The following SIPA1L3 variants were observed in gnomAD, a reference collection of about 807,000 sequenced individuals.
SIPA1L3 encodes signal-induced proliferation-associated 1-like protein 3.
Under a neutral mutation model 150.1 loss-of-function variants are expected in SIPA1L3, and 59 were observed. The observed-to-expected ratio is 0.39, with a 90% CI of 0.32 to 0.49. The LOEUF (loss-of-function observed/expected upper bound fraction) is 0.49, where lower values mean the gene tolerates loss of function less well. Ranked by LOEUF, SIPA1L3 falls within the 20% of genes least tolerant of loss-of-function variation. SIPA1L3 has a pLI of 0.86. For missense variants in SIPA1L3, 2,211 were observed against 2,489.5 expected, an observed-to-expected ratio of 0.89 and a Z score of 2.38; for synonymous variants, 1,070 against 1,077.6, an observed-to-expected ratio of 0.99 and a Z score of 0.14.
chr19:37,945,516 T>C (rs1470763116), intron 1 of SIPA1L3, among the ~76,000 whole-genome samples: 2 of 152,074 alleles, frequency 1.3e-5, no homozygotes, highest in South Asian at 4.1e-4. Context: ...GAATTACAGG[T>C]GTGAGCCACC....
chr19:38,174,787 T>C (rs1972403647), intron 15 of SIPA1L3, among the ~76,000 whole-genome samples: 2 of 150,968 alleles, frequency 1.3e-5, no homozygotes, highest in South Asian at 4.2e-4. Flanking sequence ...TGAGCTGAGA[T>C]GGCACCACTG....
intron 12 of SIPA1L3, among the ~76,000 whole-genome samples, chr19:38,150,064 A>G (rs1971783934): frequency 6.6e-6 from 1 of 152,202 alleles, no homozygotes; most frequent in African/African-American, 2.4e-5. Flanking sequence ...GAAGTCAGCT[A>G]GTAAGATGAA....
chr19:38,017,800 G>A (rs947468550), intron 1 of SIPA1L3, among the ~76,000 whole-genome samples: 2 of 152,110 alleles, frequency 1.3e-5, no homozygotes, highest in African/African-American at 4.8e-5. Context: ...AAAATGCTGG[G>A]ATTACAGGCA....
chr19:37,917,051 A>G (rs1365013300), intron 1 of SIPA1L3, among the ~76,000 whole-genome samples: 7 of 152,250 alleles, frequency 4.6e-5, no homozygotes, highest in African/African-American at 1.4e-4. Flanking sequence ...GGAAGCAGGA[A>G]AGTAATTTTA....
At chr19:38,055,955 G>T (rs182544903) in intron 2 of SIPA1L3, among the ~76,000 whole-genome samples, 1 of 152,196 alleles carries the variant, frequency 6.6e-6, no homozygotes, top group African/African-American at 2.4e-5. Context: ...CGAACTAGCC[G>T]ATTGACTGCC....
At chr19:38,181,046 G>T (rs150947913) in intron 15 of SIPA1L3, among the ~76,000 whole-genome samples, 1 of 152,018 alleles carries the variant, frequency 6.6e-6, no homozygotes, top group Non-Finnish European at 1.5e-5. Flanking sequence ...CCTTGATACC[G>T]TCCCAAAGGT....
intron 6 of SIPA1L3, among the ~76,000 whole-genome samples, chr19:38,104,469 C>G (rs543476671): frequency 2.0e-5 from 3 of 152,338 alleles, no homozygotes; most frequent in African/African-American, 7.2e-5. Flanking sequence ...TCCCAGAGCT[C>G]CGCCAGCGTG....
chr19:38,133,248 C>T (rs1971354884), intron 10 of SIPA1L3, among the ~76,000 whole-genome samples: 1 of 152,226 alleles, frequency 6.6e-6, no homozygotes, highest in African/African-American at 2.4e-5. Flanking sequence ...ACCACATGTC[C>T]CCTCCAGTCC....
At chr19:38,196,693 G>C (rs1972958076) in intron 18 of SIPA1L3, among the ~76,000 whole-genome samples, 1 of 151,550 alleles carries the variant, frequency 6.6e-6, no homozygotes. Flanking sequence ...GAGGTCAAGA[G>C]TGGAGCAAGG....
chr19:38,182,439 A>C, intron 15 of SIPA1L3, 80 bp from the exon 16 acceptor site: 1 of 1,074,890 alleles, frequency 9.3e-7, no homozygotes, highest in Non-Finnish European at 1.4e-6. Context: ...TTGATTCCCA[A>C]GAGTAAACTT....
chr19:38,162,476 T>A, intron 14 of SIPA1L3, 105 bp downstream of exon 14: 1 of 799,802 alleles, frequency 1.3e-6, no homozygotes, highest in Non-Finnish European at 2.1e-6. Context: ...CACCTTCCAC[T>A]CAGCAGAGGG....
chr19:38,013,277 G>A (rs372901555), intron 1 of SIPA1L3, among the ~76,000 whole-genome samples: 48 of 152,120 alleles, frequency 3.2e-4, no homozygotes, highest in Admixed American at 1.3e-3. Flanking sequence ...ATTTCAGCTC[G>A]TACCAGGTCC....
intron 7 of SIPA1L3, among the ~76,000 whole-genome samples, chr19:38,107,603 A>G (rs376304585): frequency 4.6e-5 from 7 of 152,338 alleles, no homozygotes; most frequent in African/African-American, 1.4e-4. Context: ...GTATTTTCCC[A>G]GTTGGCACAA....
intron 16 of SIPA1L3, among the ~76,000 whole-genome samples, chr19:38,183,272 G>T (rs563890673): frequency 6.6e-6 from 1 of 152,060 alleles, no homozygotes; most frequent in South Asian, 2.1e-4. Context: ...TTCCAGGGTC[G>T]CTGTGGCTGC....
intron 1 of SIPA1L3, among the ~76,000 whole-genome samples, chr19:37,992,522 A>T (rs903659426): frequency 6.6e-6 from 1 of 152,152 alleles, no homozygotes; most frequent in Non-Finnish European, 1.5e-5. Context: ...ATGGTGGCAC[A>T]TGCATGTAAT....
chr19:38,117,808 C>T (rs1192695568), intron 8 of SIPA1L3, among the ~76,000 whole-genome samples: 1 of 151,800 alleles, frequency 6.6e-6, no homozygotes, highest in Non-Finnish European at 1.5e-5. Context: ...TTTTTTGACA[C>T]AGGGTCTCTC....
intron 9 of SIPA1L3, among the ~76,000 whole-genome samples, chr19:38,129,130 G>A (rs56134404): frequency 0.029 from 4,413 of 152,214 alleles, 209 homozygotes; most frequent in African/African-American, 0.1. Context: ...CCAAGAAGAG[G>A]GGATCGCTTA....
At chr19:38,078,533 CAG>C (rs1969904297) in intron 2 of SIPA1L3, among the ~76,000 whole-genome samples, 1 of 145,126 alleles carries the variant, frequency 6.9e-6, no homozygotes, top group Non-Finnish European at 1.6e-5. Context: ...CAGACGCACA[CAG>C]ACACGCACAC....
At position 38,193,427 on chromosome 19, in the gene SIPA1L3, C is replaced by T. The variant is rs566356508; in HGVS notation, c.4597-110C>T. 422 of 1,259,190 alleles carry T rather than the reference C, an allele frequency of 3.4e-4. 1 individual carries two copies. In the African/African-American group the frequency reaches 5.6e-3, roughly 17 times the overall value. 78.0% of individuals were successfully genotyped at this position (1,259,190 alleles called of 1,614,324 possible). ...GAAGGAAATGGGGCAGAAATGGATG[C>T]TGGGTAGGTAAGGACTCGCCACCAA... On this transcript the variant is annotated intron_variant, in intron 17 of 21. Coordinates refer to ENST00000222345, the MANE Select transcript of SIPA1L3 (RefSeq NM_015073.3).
Sources: gnomAD v4.1 joint callset for allele counts (sites outside exome capture counted in the v4.1 genomes callset) on GRCh38, gnomAD v4.1.1 for gene constraint, MANE v1.5 for transcripts, NCBI Gene and HGNC (gene_info 2026-07-23, HGNC 2026-07-21) for gene names.